Variants in MKLN1 observed in about 807,000 individuals in gnomAD.
The protein encoded by MKLN1 is muskelin.
A neutral mutation model predicts 99.0 loss-of-function variants in MKLN1; 18 were observed. The ratio of observed to expected loss-of-function variants is 0.18; its 90% CI spans 0.13 to 0.27. The LOEUF is 0.27. Ranked by LOEUF, MKLN1 falls within the 10% of genes least tolerant of loss-of-function variation. The probability of loss-of-function intolerance (pLI) is 1.00; values close to 1 mark genes in which losing one functional copy is unlikely to be tolerated. For missense variants in MKLN1, 621 were observed against 875.9 expected, an observed-to-expected ratio of 0.71 and a Z score of 3.67; for synonymous variants, 288 against 293.2, an observed-to-expected ratio of 0.98 and a Z score of 0.18.
intron 1 of MKLN1, among the ~76,000 whole-genome samples, chr7:131,350,091 A>G (rs1234256329): frequency 6.6e-6 from 1 of 152,102 alleles, no homozygotes; most frequent in Non-Finnish European, 1.5e-5. Flanking sequence ...TTCAACCTGT[A>G]TTTGTACCCA....
At chr7:131,322,560 T>C (rs1288358947) in intron 3 of MKLN1, among the ~76,000 whole-genome samples, 14 of 32,826 alleles carry the variant, frequency 4.3e-4, no homozygotes, top group Admixed American at 3.8e-3. Context: ...CCAAACACTT[T>C]TTTTTTTTTT....
At chr7:131,163,334 C>A (rs1453271086) in intron 2 of MKLN1, among the ~76,000 whole-genome samples, 1 of 152,180 alleles carries the variant, frequency 6.6e-6, no homozygotes, top group African/African-American at 2.4e-5. Context: ...AATACTAACT[C>A]CTGTTTGTAA....
chr7:131,411,161 A>G, intron 6 of MKLN1, 145 bp from the exon 7 acceptor site: 1 of 550,916 alleles, frequency 1.8e-6, no homozygotes, highest in Non-Finnish European at 3.3e-6. Flanking sequence ...AATTGAAGTG[A>G]TGCATATTTT....
intron 3 of MKLN1, among the ~76,000 whole-genome samples, chr7:131,263,834 T>A (rs1193751142): frequency 6.6e-6 from 1 of 152,124 alleles, no homozygotes; most frequent in African/African-American, 2.4e-5. Context: ...CCTCTCAAAG[T>A]GCTGGGATTA....
intron 2 of MKLN1, among the ~76,000 whole-genome samples, chr7:131,380,253 T>G (rs1793803833): frequency 6.6e-6 from 1 of 152,208 alleles, no homozygotes; most frequent in Non-Finnish European, 1.5e-5. Flanking sequence ...GCTGATACCC[T>G]AGGCATGTAG....
At chr7:131,380,807 A>C (rs1024750175) in intron 2 of MKLN1, among the ~76,000 whole-genome samples, 2 of 152,194 alleles carry the variant, frequency 1.3e-5, no homozygotes, top group African/African-American at 4.8e-5. Flanking sequence ...GGATTAGGAT[A>C]CATGTAGTAG....
chr7:131,337,862 A>G (rs1327130522), intron 1 of MKLN1, among the ~76,000 whole-genome samples: 1 of 152,040 alleles, frequency 6.6e-6, no homozygotes, highest in African/African-American at 2.4e-5. Context: ...GCCAGACATT[A>G]TATGCAGAAT....
chr7:131,175,163 T>C (rs1054242311), intron 2 of MKLN1, among the ~76,000 whole-genome samples: 3 of 132,574 alleles, frequency 2.3e-5, no homozygotes, highest in Non-Finnish European at 4.8e-5. Flanking sequence ...GATAGATAGA[T>C]AGATTAGATT....
chr7:131,456,832 T>A (rs920943519), intron 12 of MKLN1, among the ~76,000 whole-genome samples: 3 of 152,102 alleles, frequency 2.0e-5, no homozygotes, highest in Admixed American at 1.3e-4. Flanking sequence ...GCCTGGCCTT[T>A]GAGTCCTCTC....
intron 3 of MKLN1, among the ~76,000 whole-genome samples, chr7:131,224,094 C>G (rs962845066): frequency 1.0e-5 from 1 of 97,594 alleles, no homozygotes; most frequent in African/African-American, 3.1e-5. Context: ...ACATCAAAAC[C>G]AAAAAGTTTA....
Position 131,424,930 on chromosome 7 carries a change from T to C in MKLN1, c.848-4103T>C, listed in dbSNP as rs113228123. Among the ~76,000 whole-genome samples, 830 of 152,344 alleles carry C rather than the reference T, an allele frequency of 5.4e-3. 9 individuals carry two copies. Among genetic ancestry groups the C allele is most frequent in the African/African-American group, 0.019 (794 of 41,584 alleles). ...GGAGTCAAGTTCAAAGTCTTTATCC[T>C]GTTATTTAATCCCTTCCATGATCTG... On this transcript the variant is annotated intron_variant, in intron 8 of 17. Transcript: ENST00000352689.
At chr7:131,384,977 C>T (rs189112635) in intron 2 of MKLN1, among the ~76,000 whole-genome samples, 1 of 152,342 alleles carries the variant, frequency 6.6e-6, no homozygotes, top group Non-Finnish European at 1.5e-5. Flanking sequence ...TCACCTCCAT[C>T]TAGTTCCAAA....
intron 1 of MKLN1, among the ~76,000 whole-genome samples, chr7:131,130,171 A>G (rs1029465123): frequency 1.3e-5 from 2 of 152,224 alleles, no homozygotes; most frequent in African/African-American, 4.8e-5. Flanking sequence ...TGATCCATAC[A>G]AACTGTATCT....
chr7:131,290,176 G>A (rs924489301), intron 3 of MKLN1, among the ~76,000 whole-genome samples: 1 of 152,098 alleles, frequency 6.6e-6, no homozygotes, highest in African/African-American at 2.4e-5. Context: ...ATGGTGGCAG[G>A]TGCCTGTAAT....
Position 131,397,985 on chromosome 7 carries a change from A to G in MKLN1, c.510+609A>G, listed in dbSNP as rs565687332. Among the ~76,000 whole-genome samples the G allele has an allele frequency of 2.6e-5, 4 of 152,314 alleles. No individual in the cohort carries two copies. The South Asian group carries it at 8.3e-4, about 32-fold the overall frequency. Reference sequence around the variant, plus strand: ...TTAACTAATTATAATTAAGTTGTTAATTAATTATAGTTAATTATAACGTGT... The same window carrying G: ...TTAACTAATTATAATTAAGTTGTTAGTTAATTATAGTTAATTATAACGTGT... On this transcript the variant is annotated intron_variant, in intron 5 of 17. Transcript: ENST00000352689.
intron 17 of MKLN1, among the ~76,000 whole-genome samples, chr7:131,480,762 C>T (rs747372701): frequency 6.6e-6 from 1 of 152,208 alleles, no homozygotes; most frequent in Non-Finnish European, 1.5e-5. Flanking sequence ...TGTACTGATA[C>T]ATGAATTGGG....
intron 2 of MKLN1, among the ~76,000 whole-genome samples, chr7:131,182,627 C>T (rs1796392096): frequency 6.6e-6 from 1 of 151,412 alleles, no homozygotes; most frequent in African/African-American, 2.4e-5. Context: ...GTCTTCTTTG[C>T]TAAGAACAAA....
chr7:131,389,254 C>T (rs941741197), intron 4 of MKLN1, among the ~76,000 whole-genome samples: 3 of 151,978 alleles, frequency 2.0e-5, no homozygotes, highest in African/African-American at 7.2e-5. Context: ...TACTAAGTGG[C>T]AGTTATTTCA....
intron 3 of MKLN1, among the ~76,000 whole-genome samples, chr7:131,231,946 A>G (rs1332070825): frequency 6.6e-6 from 1 of 152,324 alleles, no homozygotes; most frequent in East Asian, 1.9e-4. Context: ...TTATTACAAT[A>G]TTTTCTCCTT....
Sources: gnomAD v4.1 joint callset for allele counts (sites outside exome capture counted in the v4.1 genomes callset) on GRCh38, gnomAD v4.1.1 for gene constraint, MANE v1.5 for transcripts, NCBI Gene and HGNC (gene_info 2026-07-23, HGNC 2026-07-21) for gene names.